UBE2E2: variants seen among roughly 807,000 people sequenced by gnomAD.
UBE2E2 encodes ubiquitin-conjugating enzyme E2 E2.
In UBE2E2, 6 loss-of-function variants were observed where a neutral mutation model predicts 24.7. The ratio of observed to expected loss-of-function variants is 0.24; its 90% CI spans 0.13 to 0.48. The LOEUF is 0.48. Ranked by LOEUF, UBE2E2 falls within the 20% of genes least tolerant of loss-of-function variation. The probability of loss-of-function intolerance (pLI) is 0.99; values close to 1 mark genes in which losing one functional copy is unlikely to be tolerated. For synonymous variants in UBE2E2, 104 were observed against 83.6 expected (o/e 1.24, Z -1.33); for missense variants, 169 against 245.0 (o/e 0.69, Z 2.07).
chr3:23,232,072 G>T (rs979789819), intron 3 of UBE2E2, among the ~76,000 whole-genome samples: 1 of 152,204 alleles, frequency 6.6e-6, no homozygotes, highest in Non-Finnish European at 1.5e-5. Flanking sequence ...TCGTTGGCCA[G>T]TGGCTATGAT....
intron 5 of UBE2E2, among the ~76,000 whole-genome samples, chr3:23,575,542 A>G (rs1696328901): frequency 6.6e-6 from 1 of 152,206 alleles, no homozygotes; most frequent in Non-Finnish European, 1.5e-5. Flanking sequence ...AATGGTGAAC[A>G]AACTTGAAAA....
intron 3 of UBE2E2, among the ~76,000 whole-genome samples, chr3:23,356,507 A>G (rs1695956643): frequency 6.6e-6 from 1 of 152,122 alleles, no homozygotes; most frequent in African/African-American, 2.4e-5. Context: ...TCACCTTCAT[A>G]TGTTTCCTGA....
intron 3 of UBE2E2, among the ~76,000 whole-genome samples, chr3:23,285,742 A>G (rs1294564650): frequency 6.6e-6 from 1 of 152,134 alleles, no homozygotes; most frequent in Non-Finnish European, 1.5e-5. Context: ...TAGCTTTGTC[A>G]TCCAGGCAGG....
chr3:23,257,868 C>T (rs1697780081), intron 3 of UBE2E2, among the ~76,000 whole-genome samples: 1 of 151,972 alleles, frequency 6.6e-6, no homozygotes, highest in African/African-American at 2.4e-5. Flanking sequence ...ATGAAATATC[C>T]TATACTTGGT....
At chr3:23,581,759 T>A (rs937521029) in intron 5 of UBE2E2, among the ~76,000 whole-genome samples, 5 of 152,194 alleles carry the variant, frequency 3.3e-5, no homozygotes, top group Middle Eastern at 3.2e-3. Context: ...AAATTTTTCG[T>A]GTAATTTCTT....
At chr3:23,352,109 T>C (rs1384526379) in intron 3 of UBE2E2, among the ~76,000 whole-genome samples, 1 of 152,148 alleles carries the variant, frequency 6.6e-6, no homozygotes, top group East Asian at 1.9e-4. Flanking sequence ...ACATGGAAAC[T>C]GAACATCCTG....
chr3:23,350,071 C>G (rs911006791), intron 3 of UBE2E2, among the ~76,000 whole-genome samples: 2 of 152,174 alleles, frequency 1.3e-5, no homozygotes, highest in Non-Finnish European at 2.9e-5. Flanking sequence ...CAGCATTTGC[C>G]GTTCACAAAA....
rs1057328100 is a variant in UBE2E2 at position 23,208,805 on chromosome 3, G to T, written c.106G>T (p.Val36Phe). ...SVQQEPEREQ[V>F]QPKKKEGKIS... is the part of the protein sequence containing the mutation. ...TCAGCAAGAACCAGAAAGAGAACAA[G>T]TTCAGCCCAAGAAAAAGGAGGGAAA... The change falls in exon 2 of 6, where the codon GTT (valine) becomes TTT (phenylalanine). Residue 36 changes from valine to phenylalanine, a missense_variant. Coordinates refer to ENST00000396703, the MANE Select transcript of UBE2E2 (RefSeq NM_152653.4). 6.2e-7 allele frequency: 1 copy of T among 1,613,508 alleles called. No homozygotes were observed. The highest frequency in any genetic ancestry group is 8.5e-7 in the Non-Finnish European group (1 of 1,179,746).
intron 3 of UBE2E2, chr3:23,323,679 G>T (rs937902586): frequency 7.7e-6 from 2 of 260,522 alleles, no homozygotes; most frequent in African/African-American, 4.7e-5. Flanking sequence ...TATTCAACTT[G>T]TGTAAGTTAA....
intron 3 of UBE2E2, among the ~76,000 whole-genome samples, chr3:23,302,971 G>A (rs974459796): frequency 6.6e-6 from 1 of 152,148 alleles, no homozygotes; most frequent in Non-Finnish European, 1.5e-5. Context: ...ACACATACCT[G>A]TGGAACCTGG....
chr3:23,562,000 C>T (rs1200946616), intron 5 of UBE2E2, among the ~76,000 whole-genome samples: 1 of 152,234 alleles, frequency 6.6e-6, no homozygotes, highest in Non-Finnish European at 1.5e-5. Context: ...GATATACAAT[C>T]ATGTGACCTG....
intron 5 of UBE2E2, among the ~76,000 whole-genome samples, chr3:23,546,528 C>T (rs1413520417): frequency 8.0e-6 from 1 of 124,854 alleles, no homozygotes; most frequent in Non-Finnish European, 1.5e-5. Flanking sequence ...GGCTGGAGTG[C>T]AATGGTGCGA....
intron 3 of UBE2E2, among the ~76,000 whole-genome samples, chr3:23,417,788 A>G (rs772615216): frequency 6.6e-5 from 10 of 152,300 alleles, no homozygotes; most frequent in Non-Finnish European, 4.4e-5. Context: ...CAGTGTGGCT[A>G]CAGCGGCGCT....
At chr3:23,206,397 A>G (rs924045070) in intron 1 of UBE2E2, among the ~76,000 whole-genome samples, 2 of 152,262 alleles carry the variant, frequency 1.3e-5, no homozygotes, top group Non-Finnish European at 2.9e-5. Flanking sequence ...GATGTGAAAC[A>G]TACTGATATA....
chr3:23,576,844 TAAAC>T (rs1320515276), intron 5 of UBE2E2, among the ~76,000 whole-genome samples: 1 of 151,926 alleles, frequency 6.6e-6, no homozygotes. Context: ...AACAGAAAAG[TAAAC>T]AGACAGCTAA....
At chr3:23,428,352 A>G (rs1037539063) in intron 3 of UBE2E2, among the ~76,000 whole-genome samples, 3 of 152,214 alleles carry the variant, frequency 2.0e-5, no homozygotes, top group Non-Finnish European at 4.4e-5. Flanking sequence ...AACAATGAAA[A>G]CAAAAACACA....
At chr3:23,427,113 C>A (rs1697944609) in intron 3 of UBE2E2, among the ~76,000 whole-genome samples, 1 of 151,900 alleles carries the variant, frequency 6.6e-6, no homozygotes, top group Admixed American at 6.6e-5. Context: ...CTAGGAGAAT[C>A]ATTTTTCAAA....
In UBE2E2 at chr3:23,589,738, C is replaced by G; in HGVS notation, c.513C>G (p.Asp171Glu). 6.2e-7 allele frequency: 1 copy of G among 1,613,950 alleles called. No individual in the cohort carries two copies. Among genetic ancestry groups the G allele is most frequent in the Non-Finnish European group, 8.5e-7 (1 of 1,179,882 alleles). ...CCAACTCTGCTTTCCTTGCAGCTGA[C>G]CCTCTGGTGGGCAGCATCGCCACAC... ...CSLLTDCNPADPLVGSIATQY... is the reference protein window; with the variant it reads ...CSLLTDCNPAEPLVGSIATQY... The change falls in exon 6 of 6, where the codon GAC becomes GAG. Residue 171 changes from aspartate to glutamate, a missense_variant. Asp to Glu is a conservative substitution (Grantham distance 45, BLOSUM62 2). Around this residue, in one of 2 missense-constraint regions of UBE2E2, gnomAD observed 105 missense variants for 180.7 expected, o/e 0.58. Coordinates refer to ENST00000396703, the MANE Select transcript of UBE2E2 (RefSeq NM_152653.4). This position sits in a 1 kb window ranked among gnomAD's most constrained non-coding sequence, Gnocchi z 4.1.
At chr3:23,537,593 A>C (rs1211186666) in intron 5 of UBE2E2, among the ~76,000 whole-genome samples, 1 of 152,206 alleles carries the variant, frequency 6.6e-6, no homozygotes, top group Non-Finnish European at 1.5e-5. Context: ...ATTTGCTCCC[A>C]GTGGCTCTTT....
Sources: gnomAD v4.1 joint callset for allele counts (sites outside exome capture counted in the v4.1 genomes callset) on GRCh38, gnomAD v4.1.1 for gene constraint, gnomAD v4.1.1 regional missense constraint, Gnocchi (gnomAD v3.1) non-coding constraint, MANE v1.5 for transcripts, NCBI Gene and HGNC (gene_info 2026-07-23, HGNC 2026-07-21) for gene names.